Variants in GREB1L observed in about 807,000 individuals in gnomAD.
GREB1L encodes GREB1-like protein.
Under a neutral mutation model 200.8 loss-of-function variants are expected in GREB1L, and 17 were observed. The ratio of observed to expected loss-of-function variants is 0.08; its 90% CI spans 0.06 to 0.13. The LOEUF is 0.13. Among genes scored for constraint, GREB1L ranks in the 10% least tolerant of loss-of-function variants. GREB1L has a pLI of 1.00. For missense variants in GREB1L, 1,657 were observed against 2,367.7 expected, an observed-to-expected ratio of 0.70 and a Z score of 6.23; for synonymous variants, 789 against 893.0, an observed-to-expected ratio of 0.88 and a Z score of 2.08.
At chr18:21,355,335 A>G (rs1299200710) in intron 1 of GREB1L, among the ~76,000 whole-genome samples, 2 of 152,042 alleles carry the variant, frequency 1.3e-5, no homozygotes, top group African/African-American at 4.8e-5. Context: ...CTGGGACTAC[A>G]GGCACACGCC....
At chr18:21,301,061 A>G (rs1262709437) in intron 1 of GREB1L, among the ~76,000 whole-genome samples, 1 of 152,172 alleles carries the variant, frequency 6.6e-6, no homozygotes, top group Non-Finnish European at 1.5e-5. Flanking sequence ...TTTCTGTGCT[A>G]CTGGCATTTG....
intron 1 of GREB1L, among the ~76,000 whole-genome samples, chr18:21,266,669 AAGTG>A (rs1163948052): frequency 6.6e-6 from 1 of 152,240 alleles, no homozygotes; most frequent in Non-Finnish European, 1.5e-5. Flanking sequence ...ATAGAATAAT[AAGTG>A]AGAGAGTTTT....
chr18:21,282,959 G>A (rs1420362311), intron 1 of GREB1L, among the ~76,000 whole-genome samples: 13 of 152,292 alleles, frequency 8.5e-5, no homozygotes, highest in Admixed American at 6.5e-5. Flanking sequence ...TGTATTGTAC[G>A]TTAATTACCT....
rs577955978 is a variant in GREB1L at position 21,419,241 on chromosome 18, A to G, written c.832+15247A>G. Among the ~76,000 whole-genome samples, 5 of 152,316 alleles carry G rather than the reference A, an allele frequency of 3.3e-5. No individual in the cohort carries two copies. The East Asian group carries it at 5.8e-4, about 18-fold the overall frequency. On this transcript the variant is annotated intron_variant, in intron 7 of 32. Coordinates refer to ENST00000424526, the MANE Select transcript of GREB1L (RefSeq NM_001142966.3). ...TGCCTAATGACACATTTCTTAGAGC[A>G]TATTTCTGTCACTAAGCAAACATAA...
chr18:21,268,659 A>C (rs774004102), intron 1 of GREB1L, among the ~76,000 whole-genome samples: 28 of 148,538 alleles, frequency 1.9e-4, no homozygotes, highest in Non-Finnish European at 1.2e-4. Context: ...GTGCAGTGGC[A>C]CAATATTGGC....
intron 4 of GREB1L, among the ~76,000 whole-genome samples, chr18:21,388,795 C>A (rs969794623): frequency 2.0e-5 from 3 of 151,860 alleles, no homozygotes; most frequent in African/African-American, 7.3e-5. Context: ...TTTTTGATGA[C>A]CTTGGCCGTT....
intron 21 of GREB1L, among the ~76,000 whole-genome samples, chr18:21,499,233 T>TG (rs1451471635): frequency 6.6e-6 from 1 of 152,048 alleles, no homozygotes; most frequent in Admixed American, 6.6e-5. Context: ...CTGTTTTGGG[T>TG]GGGGTCCTGG....
intron 1 of GREB1L, among the ~76,000 whole-genome samples, chr18:21,352,504 G>A (rs942729818): frequency 2.6e-5 from 4 of 151,456 alleles, no homozygotes; most frequent in African/African-American, 9.7e-5. Context: ...TGAGATCTCG[G>A]CTCACTGTAA....
Position 21,278,716 on chromosome 18 carries a change from T to C in GREB1L, c.-120+36323T>C, listed in dbSNP as rs1424324563. Among the ~76,000 whole-genome samples the C allele has an allele frequency of 2.6e-5, 4 of 152,224 alleles. No individual in the cohort carries two copies. The East Asian group carries it at 7.7e-4, about 29-fold the overall frequency. ...GTAGATGTGTAGAAAAATTATGATT[T>C]TCAGAGTCCAGATTTGAATAAAATA... On this transcript the variant is annotated intron_variant, in intron 1 of 32. Coordinates refer to ENST00000424526, the MANE Select transcript of GREB1L (RefSeq NM_001142966.3).
chr18:21,383,553 C>A lies in GREB1L; in HGVS notation c.35C>A (p.Ala12Asp). The change falls in exon 3 of 33, where the codon GCT (alanine) becomes GAT (aspartate). Residue 12 changes from alanine (A) to aspartate (D), a missense_variant. Physicochemically the swap from Ala to Asp is moderately radical, Grantham distance 126. This residue lies in a region of GREB1L where 121 missense variants were observed against 126.6 expected (regional missense o/e 0.96). Coordinates refer to ENST00000424526, the MANE Select transcript of GREB1L (RefSeq NM_001142966.3). ...TCATATGCTGGGCAACTGAAATCTG[C>A]TCGATTTGAGGAAGCTCTCCACAAC... ...GNSYAGQLKSARFEEALHNSI... is the reference protein window; with the variant it reads ...GNSYAGQLKSDRFEEALHNSI... The A allele has an allele frequency of 6.5e-7, 1 of 1,545,660 alleles. No individual in the cohort carries two copies. The highest frequency in any genetic ancestry group is 8.7e-7 in the Non-Finnish European group (1 of 1,145,150).
chr18:21,441,395 TCCAGAG>T lies in GREB1L; in HGVS notation c.1070-2_1073del. On this transcript the variant is annotated splice_acceptor_variant and splice_polypyrimidine_tract_variant and coding_sequence_variant and intron_variant, in exon 10 of 33. Transcript: ENST00000424526. LOFTEE classifies it high-confidence loss of function. ...ATCTTTCTTGTCAAACTTTTTTTTT[TCCAGAG>T]CCCCTTTTATCTGCCCCAGTTCCAC... 2.0e-6 allele frequency: 3 copies of T among 1,516,940 alleles called. No individual in the cohort carries two copies. The highest frequency in any genetic ancestry group is 2.5e-5 in the Admixed American group (1 of 40,554). 94.0% of individuals were successfully genotyped at this position (1,516,940 alleles called of 1,614,324 possible). A position where few individuals can be genotyped will look rare whatever the true frequency, so the allele number is the denominator to read the frequency against.
chr18:21,522,963 C>T lies in GREB1L; in HGVS notation c.*142C>T. ...TGTCTAAATTCTCCAAAGAACTCCC[C>T]AAATCTGATCCAGGTCTTTGGGGAC... On this transcript the variant is annotated 3_prime_UTR_variant, in exon 33 of 33. Transcript: ENST00000424526. The T allele has an allele frequency of 1.4e-6, 1 of 716,068 alleles. No individual in the cohort carries two copies. The highest frequency in any genetic ancestry group is 3.2e-5 in the Admixed American group (1 of 31,622). 44.4% of individuals were successfully genotyped at this position (716,068 alleles called of 1,614,324 possible). A position where few individuals can be genotyped will look rare whatever the true frequency, so the allele number is the denominator to read the frequency against.
At chr18:21,432,139 G>A (rs541640397) in intron 7 of GREB1L, among the ~76,000 whole-genome samples, 1 of 151,830 alleles carries the variant, frequency 6.6e-6, no homozygotes, top group East Asian at 1.9e-4. Flanking sequence ...TAGCCAAGGT[G>A]GTTTCCATCT....
At chr18:21,445,244 G>A (rs1351524638) in intron 11 of GREB1L, among the ~76,000 whole-genome samples, 1 of 152,264 alleles carries the variant, frequency 6.6e-6, no homozygotes, top group Non-Finnish European at 1.5e-5. Context: ...GGAGGCCAAG[G>A]TGGGCGGATC....
chr18:21,482,820 G>C (rs1054870569), intron 17 of GREB1L, among the ~76,000 whole-genome samples: 6 of 152,082 alleles, frequency 3.9e-5, no homozygotes, highest in African/African-American at 1.4e-4. Context: ...GAAAGGGCAG[G>C]CCTTCCACAG....
chr18:21,468,073 G>A lies in GREB1L; in HGVS notation c.2183-4958G>A, dbSNP rs566468157. On this transcript the variant is annotated intron_variant, in intron 15 of 32. Transcript: ENST00000424526. The stretch of plus-strand genomic sequence containing the variant: ...AAATGAGAGAGAAGTGAAAATATAC[G>A]TGCATGCAAAAACACAAATGTTCAT... Among the ~76,000 whole-genome samples the A allele has an allele frequency of 1.2e-4, 18 of 149,866 alleles. No homozygotes were observed. The South Asian group carries it at 2.6e-3, about 21-fold the overall frequency.
In GREB1L at chr18:21,383,640, A is replaced by G; in HGVS notation, c.122A>G (p.Tyr41Cys). The change falls in exon 3 of 33, where the codon TAC (tyrosine) becomes TGC (cysteine). Residue 41 changes from tyrosine to cysteine, a missense_variant. Tyr to Cys is a radical substitution (Grantham distance 194). Transcript: ENST00000424526. ...VVPRPIFSQL[Y>C]LDPDQHPFSS... ...CCACGGCCAATTTTTTCCCAGCTATACCTGGACCCTGACCAGCATCCTTTC... is the reference window on the plus strand; with the variant it reads ...CCACGGCCAATTTTTTCCCAGCTATGCCTGGACCCTGACCAGCATCCTTTC... 6.4e-7 allele frequency: 1 copy of G among 1,551,492 alleles called. No homozygotes were observed.
chr18:21,260,068 T>C (rs2037865490), intron 1 of GREB1L, among the ~76,000 whole-genome samples: 2 of 151,988 alleles, frequency 1.3e-5, no homozygotes, highest in African/African-American at 4.8e-5. Context: ...TTAAAGCACA[T>C]TGTACACGAT....
At chr18:21,481,051 G>T (rs1232195911) in intron 17 of GREB1L, among the ~76,000 whole-genome samples, 3 of 151,962 alleles carry the variant, frequency 2.0e-5, no homozygotes, top group Admixed American at 6.6e-5. Context: ...GTTTAGAGGA[G>T]AAAGCAAAGT....
Sources: allele counts gnomAD v4.1 joint callset (sites outside exome capture counted in the v4.1 genomes callset), GRCh38; gene constraint gnomAD v4.1.1; regional missense constraint gnomAD v4.1.1; transcripts MANE v1.5; gene names NCBI Gene and HGNC (gene_info 2026-07-23, HGNC 2026-07-21).